Variants in RASGRF2 observed in about 807,000 individuals in gnomAD.
RASGRF2 encodes the protein ras-specific guanine nucleotide-releasing factor 2.
Under a neutral mutation model 151.0 loss-of-function variants are expected in RASGRF2, and 76 were observed. The ratio of observed to expected loss-of-function variants is 0.50; its 90% CI spans 0.42 to 0.61. The LOEUF (loss-of-function observed/expected upper bound fraction) is 0.61. RASGRF2 is among the 20% of genes least tolerant of loss of function. The pLI is 0.00. For missense variants in RASGRF2, 1,148 were observed against 1,564.6 expected, an observed-to-expected ratio of 0.73 and a Z score of 4.49; for synonymous variants, 504 against 566.5, an observed-to-expected ratio of 0.89 and a Z score of 1.57.
At position 81,228,894 on chromosome 5, in the gene RASGRF2, A is replaced by G. The variant is rs1404494083; in HGVS notation, c.*3124A>G. On this transcript the variant is annotated 3_prime_UTR_variant, in exon 27 of 27. Coordinates refer to ENST00000265080, the MANE Select transcript of RASGRF2 (RefSeq NM_006909.3). ...GTCCCATTACTGTTTGTTAAATTTC[A>G]GTACGTCTTAAAGTACTACTTATAA... 1 of 152,246 alleles carries G rather than the reference A, an allele frequency of 6.6e-6. No individual in the cohort carries two copies. The highest frequency in any genetic ancestry group is 1.9e-4 in the East Asian group (1 of 5,206). The allele number at this position is 152,246 out of a possible 1,614,324, so 9.4% of individuals were successfully genotyped here.
chr5:80,969,592 G>A (rs552030925), intron 1 of RASGRF2, among the ~76,000 whole-genome samples: 1 of 150,908 alleles, frequency 6.6e-6, no homozygotes, highest in Admixed American at 6.6e-5. Context: ...GGGACTACAG[G>A]CACCCGCCAC....
At chr5:81,033,901 T>C (rs959859598) in intron 1 of RASGRF2, among the ~76,000 whole-genome samples, 18 of 152,352 alleles carry the variant, frequency 1.2e-4, no homozygotes, top group African/African-American at 4.3e-4. Context: ...TCTACCCATC[T>C]GACAAATGGC....
chr5:81,167,517 C>T (rs1337985823), intron 17 of RASGRF2, among the ~76,000 whole-genome samples: 2 of 152,228 alleles, frequency 1.3e-5, no homozygotes, highest in Non-Finnish European at 2.9e-5. Flanking sequence ...GTCTGAAATT[C>T]TTAACTGCAG....
intron 26 of RASGRF2, among the ~76,000 whole-genome samples, chr5:81,223,112 A>G (rs892959954): frequency 6.6e-6 from 1 of 152,240 alleles, no homozygotes; most frequent in African/African-American, 2.4e-5. Context: ...TATCATATTC[A>G]TGGATCAAAA....
At chr5:81,128,638 G>C (rs2112575382) in intron 17 of RASGRF2, among the ~76,000 whole-genome samples, 1 of 152,298 alleles carries the variant, frequency 6.6e-6, no homozygotes. Flanking sequence ...AGTGCGGGGA[G>C]CCGAGCGGTG....
rs572092258 is a variant in RASGRF2, at chr5:81,113,822, G to A, written c.2372G>A (p.Gly791Asp). 1.9e-6 allele frequency: 3 copies of A among 1,614,174 alleles called. No homozygotes were observed. Among genetic ancestry groups the A allele is most frequent in the South Asian group, 2.2e-5 (2 of 91,068 alleles). The change falls in exon 15 of 27, where the codon GGC becomes GAC. Residue 791 changes from glycine (G) to aspartate (D), a missense_variant. By Grantham distance (94) the Gly-to-Asp change is moderately conservative (BLOSUM62 -1). This residue lies in a region of RASGRF2 where 646 missense variants were observed against 807.4 expected (regional missense o/e 0.80). Transcript: ENST00000265080. Reference protein sequence around the residue: ...TGQIPLDLSRGLSSPEQSPGT... With the variant: ...TGQIPLDLSRDLSSPEQSPGT... ...CAGATACCACTGGATCTCAGCAGAG[G>A]CCTCTCTTCTCCAGAGCAAAGCCCG...
Position 81,225,813 on chromosome 5 carries a change from G to T in RASGRF2, c.*43G>T. The T allele has an allele frequency of 6.3e-7, 1 of 1,596,870 alleles. No homozygotes were observed. Among genetic ancestry groups the T allele is most frequent in the Non-Finnish European group, 8.5e-7 (1 of 1,173,646 alleles). ...TGAGTCCACGGGATGTTCATGGAAA[G>T]CAGGACAGACAGAATTGTGTATGCC... On this transcript the variant is annotated 3_prime_UTR_variant, in exon 27 of 27. Coordinates refer to ENST00000265080, the MANE Select transcript of RASGRF2 (RefSeq NM_006909.3).
chr5:81,130,926 C>T (rs73128835), intron 17 of RASGRF2, among the ~76,000 whole-genome samples: 3 of 152,254 alleles, frequency 2.0e-5, no homozygotes, highest in East Asian at 3.9e-4. Context: ...CAGAGGTCTG[C>T]GGAGTGGGTT....
At chr5:81,134,995 A>G (rs1753718836) in intron 17 of RASGRF2, among the ~76,000 whole-genome samples, 1 of 152,210 alleles carries the variant, frequency 6.6e-6, no homozygotes, top group Non-Finnish European at 1.5e-5. Flanking sequence ...CACGTACCAT[A>G]CAATTAACCT....
rs538138297 is a variant in RASGRF2 at position 81,040,239 on chromosome 5, G to C, written c.289-2638G>C. On this transcript the variant is annotated intron_variant, in intron 1 of 26. Transcript: ENST00000265080. The stretch of plus-strand genomic sequence containing the variant: ...TCCCAGGATGATCTCAAACTCCTGG[G>C]CTCAAGCGATCCTCCTGTCTCAGCC... Among the ~76,000 whole-genome samples, 215 of 152,190 alleles carry C rather than the reference G, an allele frequency of 1.4e-3. 1 individual carries two copies. Among genetic ancestry groups the C allele is most frequent in the Non-Finnish European group, 2.7e-3 (181 of 68,014 alleles).
At chr5:81,128,625 T>C (rs1243788795) in intron 17 of RASGRF2, among the ~76,000 whole-genome samples, 1 of 152,114 alleles carries the variant, frequency 6.6e-6, no homozygotes, top group Admixed American at 6.6e-5. Flanking sequence ...GGAGGGCTTG[T>C]GGAGTGCGGG....
rs148519927 is a variant in RASGRF2, at chr5:81,112,796, C to T, written c.2025C>T (p.Ala675=). ...FLHTYRIFTT[A]AVVLGKLSDI... ...ACACCTATCGTATTTTCACTACTGC[C>T]GCTGTGGTGCTGGGGAAACTCTCCG... Residue 675 remains alanine, a synonymous_variant, in exon 14 of 27, where the codon GCC becomes GCT. Transcript: ENST00000265080. 8.7e-6 allele frequency: 14 copies of T among 1,614,180 alleles called. No individual in the cohort carries two copies. Among genetic ancestry groups the T allele is most frequent in the African/African-American group, 5.3e-5 (4 of 75,056 alleles).
At chr5:81,219,584 A>AC (rs1755814554) in intron 25 of RASGRF2, 126 bp from the exon 26 acceptor site, 3 of 685,386 alleles carry the variant, frequency 4.4e-6, no homozygotes, top group Non-Finnish European at 7.5e-6. Flanking sequence ...GGCAGGCTCC[A>AC]CCCGCCTCAC....
At chr5:81,114,586 C>T (rs551472681) in intron 15 of RASGRF2, among the ~76,000 whole-genome samples, 1 of 152,346 alleles carries the variant, frequency 6.6e-6, no homozygotes, top group South Asian at 2.1e-4. Context: ...AAAGTACATT[C>T]TCCCTGCCAG....
Position 81,112,681 on chromosome 5 carries a change from C to T in RASGRF2, c.1910C>T (p.Pro637Leu), listed in dbSNP as rs1753030509. ...AAAACACTCAACTCCTGCAAAGTGC[C>T]CCAGATCCGTTATGCCAGCGTGGAG... ...FSKTLNSCKV[P>L]QIRYASVERL... The change falls in exon 14 of 27, where the codon CCC becomes CTC. Residue 637 changes from proline to leucine, a missense_variant. Pro to Leu is a moderately conservative substitution (Grantham distance 98, BLOSUM62 -3). Coordinates refer to ENST00000265080, the MANE Select transcript of RASGRF2 (RefSeq NM_006909.3). 3 of 1,614,184 alleles carry T rather than the reference C, an allele frequency of 1.9e-6. No individual in the cohort carries two copies. The highest frequency in any genetic ancestry group is 2.5e-6 in the Non-Finnish European group (3 of 1,180,034).
intron 18 of RASGRF2, among the ~76,000 whole-genome samples, chr5:81,193,012 A>C (rs1755183510): frequency 6.6e-6 from 1 of 152,136 alleles, no homozygotes; most frequent in African/African-American, 2.4e-5. Context: ...CCAGATTTTA[A>C]AATTATTTGT....
At position 81,017,246 on chromosome 5, in the gene RASGRF2, G is replaced by A. The variant is rs574756395; in HGVS notation, c.289-25631G>A. On this transcript the variant is annotated intron_variant, in intron 1 of 26. Transcript: ENST00000265080. ...ATGCACTTCATGCTTTTCAAGGCATGTTGATGTGTGTTACTGCATTTGATC... is the reference window on the plus strand; with the variant it reads ...ATGCACTTCATGCTTTTCAAGGCATATTGATGTGTGTTACTGCATTTGATC... Among the ~76,000 whole-genome samples, 31 of 152,342 alleles carry A rather than the reference G, an allele frequency of 2.0e-4. No individual in the cohort carries two copies. In the South Asian group the frequency reaches 4.2e-3, roughly 20 times the overall value.
intron 1 of RASGRF2, among the ~76,000 whole-genome samples, chr5:81,017,001 G>A (rs559143516): frequency 7.2e-5 from 11 of 152,142 alleles, no homozygotes; most frequent in South Asian, 2.1e-4. Context: ...ACACTGGGTC[G>A]TACTGTTTTT....
intron 24 of RASGRF2, chr5:81,216,975 T>G (rs192973663): frequency 1.5e-4 from 70 of 457,616 alleles, no homozygotes; most frequent in Middle Eastern, 1.3e-3. Context: ...TCATCAAGGC[T>G]GAATACTTGA....
Sources: allele counts gnomAD v4.1 joint callset (sites outside exome capture counted in the v4.1 genomes callset), GRCh38; gene constraint gnomAD v4.1.1; regional missense constraint gnomAD v4.1.1; transcripts MANE v1.5; gene names NCBI Gene and HGNC (gene_info 2026-07-23, HGNC 2026-07-21).